The following RABGEF1 variants were observed in gnomAD, a reference collection of about 807,000 sequenced individuals.
RABGEF1 encodes RAB guanine nucleotide exchange factor 1, also known as rab5 GDP/GTP exchange factor.
A neutral mutation model predicts 57.3 loss-of-function variants in RABGEF1; 26 were observed. The observed-to-expected ratio is 0.45, with a 90% CI of 0.33 to 0.63. The LOEUF (loss-of-function observed/expected upper bound fraction) is 0.63, where lower values mean the gene tolerates loss of function less well. Among genes scored for constraint, RABGEF1 ranks in the 20% least tolerant of loss-of-function variants. The pLI is 0.02. For synonymous variants in RABGEF1, 185 were observed against 210.7 expected (o/e 0.88, Z 1.06); for missense variants, 464 against 607.6 (o/e 0.76, Z 2.48).
chr7:66,692,102 T>C lies in RABGEF1; in HGVS notation c.-873+9844T>C, dbSNP rs528819943. Among the ~76,000 whole-genome samples the C allele has an allele frequency of 2.0e-5, 3 of 152,198 alleles. No individual in the cohort carries two copies. The South Asian group carries it at 6.2e-4, about 32-fold the overall frequency. ...ACAAATAAATAAATAAATAAAAGTG[T>C]ATAAATTTGTTTCATTTCTGCAGTT... On this transcript the variant is annotated intron_variant and NMD_transcript_variant, in intron 1 of 9. Transcript: ENST00000607882.
intron 2 of RABGEF1, among the ~76,000 whole-genome samples, chr7:66,717,998 C>T (rs1795595538): frequency 6.6e-6 from 1 of 152,104 alleles, no homozygotes; most frequent in Admixed American, 6.5e-5. Flanking sequence ...TTTGTATCTT[C>T]TATTTTCCTG....
chr7:66,705,078 A>G (rs1431984240), intron 1 of RABGEF1, among the ~76,000 whole-genome samples: 1 of 151,978 alleles, frequency 6.6e-6, no homozygotes, highest in African/African-American at 2.4e-5. Context: ...TTCACTTCAA[A>G]TTCTATTTGT....
intron 1 of RABGEF1, among the ~76,000 whole-genome samples, chr7:66,697,108 G>A (rs1792467481): frequency 6.6e-6 from 1 of 152,196 alleles, no homozygotes; most frequent in South Asian, 2.1e-4. Context: ...GCACAGTCAT[G>A]GTGGTGAGGG....
intron 1 of RABGEF1, among the ~76,000 whole-genome samples, chr7:66,759,105 G>C (rs1205144178): frequency 2.0e-5 from 3 of 152,208 alleles, no homozygotes; most frequent in Non-Finnish European, 2.9e-5. Context: ...CACCACCATA[G>C]TCAAGATACA....
chr7:66,782,522 G>A (rs534829777), intron 3 of RABGEF1, among the ~76,000 whole-genome samples: 19 of 149,756 alleles, frequency 1.3e-4, no homozygotes, highest in African/African-American at 4.2e-4. Flanking sequence ...GCTGTGGAGT[G>A]TAGTGGGATG....
At chr7:66,727,049 C>T (rs892175928) in intron 2 of RABGEF1, among the ~76,000 whole-genome samples, 2 of 152,128 alleles carry the variant, frequency 1.3e-5, no homozygotes, top group Admixed American at 6.6e-5. Context: ...GAAATGATTG[C>T]ACAACTCTGT....
chr7:66,659,887 A>G, the RABGEF1 span, among the ~76,000 whole-genome samples: 1 of 152,076 alleles, frequency 6.6e-6, no homozygotes, highest in South Asian at 2.1e-4. Flanking sequence ...CCAAGCTAGC[A>G]GAATAGGGGA....
At chr7:66,796,967 C>A (rs1786095989) in intron 5 of RABGEF1, 2 of 418,980 alleles carry the variant, frequency 4.8e-6, no homozygotes, top group Admixed American at 3.0e-5. Flanking sequence ...TAATTTATTT[C>A]TAGTAAATTA....
At chr7:66,780,913 A>G (rs56675463) in intron 3 of RABGEF1, among the ~76,000 whole-genome samples, 15,941 of 152,090 alleles carry the variant, frequency 0.1, 1,020 homozygotes, top group South Asian at 0.2. Flanking sequence ...AGTATTTAAC[A>G]TATTTGTATT....
intron 1 of RABGEF1, among the ~76,000 whole-genome samples, chr7:66,771,207 T>C (rs62468260): frequency 0.037 from 5,566 of 152,184 alleles, 160 homozygotes; most frequent in East Asian, 0.086. Context: ...GGCGTGATCT[T>C]GGCTCACTGC....
the RABGEF1 span, among the ~76,000 whole-genome samples, chr7:66,661,386 T>C: frequency 8.6e-4 from 129 of 149,556 alleles, no homozygotes; most frequent in African/African-American, 3.0e-3. Context: ...ATAGGTACAC[T>C]AGCAAATTGA....
At chr7:66,794,281 T>C (rs954021533) in intron 4 of RABGEF1, among the ~76,000 whole-genome samples, 2 of 150,400 alleles carry the variant, frequency 1.3e-5, no homozygotes, top group Non-Finnish European at 3.0e-5. Context: ...TCTCTTTCTT[T>C]CCTTTCTCTC....
At chr7:66,700,804 C>G (rs1793135336) in intron 1 of RABGEF1, among the ~76,000 whole-genome samples, 1 of 152,208 alleles carries the variant, frequency 6.6e-6, no homozygotes, top group African/African-American at 2.4e-5. Context: ...GGCCCGAGGC[C>G]TGGACACTCT....
At chr7:66,759,885 A>G (rs1242844725) in intron 1 of RABGEF1, among the ~76,000 whole-genome samples, 2 of 152,234 alleles carry the variant, frequency 1.3e-5, no homozygotes, top group Non-Finnish European at 1.5e-5. Context: ...ACATAGGCAT[A>G]TAGTCCCTTT....
chr7:66,752,493 TAA>T (rs368452742), intron 1 of RABGEF1, among the ~76,000 whole-genome samples: 7 of 137,358 alleles, frequency 5.1e-5, no homozygotes, highest in Admixed American at 7.3e-5. Context: ...AAACTCCGTC[TAA>T]AAAAAAAAAA....
At chr7:66,737,132 G>A (rs1031041020), upstream of RABGEF1, among the ~76,000 whole-genome samples, 1 of 151,316 alleles carries the variant, frequency 6.6e-6, no homozygotes, top group Non-Finnish European at 1.5e-5. Flanking sequence ...ATCTTGCTGT[G>A]TTGCCGAGAC....
At chr7:66,723,870 A>G (rs1158627022) in intron 2 of RABGEF1, among the ~76,000 whole-genome samples, 6 of 152,062 alleles carry the variant, frequency 3.9e-5, no homozygotes, top group Non-Finnish European at 5.9e-5. Context: ...GTGAGCCACC[A>G]TGCCTGGCCA....
At chr7:66,767,780 C>T (rs1485899690) in intron 1 of RABGEF1, among the ~76,000 whole-genome samples, 2 of 152,212 alleles carry the variant, frequency 1.3e-5, no homozygotes, top group African/African-American at 2.4e-5. Context: ...TGTTGACTTC[C>T]TGATCTTGAA....
intron 1 of RABGEF1, among the ~76,000 whole-genome samples, chr7:66,763,088 C>T (rs1357208216): frequency 6.6e-6 from 1 of 152,186 alleles, no homozygotes; most frequent in African/African-American, 2.4e-5. Flanking sequence ...GCCTCAAATT[C>T]CCAGCCTCAA....
Sources: allele counts gnomAD v4.1 joint callset (sites outside exome capture counted in the v4.1 genomes callset), GRCh38; gene constraint gnomAD v4.1.1; transcripts MANE v1.5; gene names NCBI Gene and HGNC (gene_info 2026-07-23, HGNC 2026-07-21).